Variants in SUGCT observed in about 807,000 individuals in gnomAD.
SUGCT encodes succinyl-CoA:glutarate CoA-transferase.
SUGCT carries 41 observed loss-of-function variants against 55.0 expected under a neutral mutation model. That is an observed-to-expected ratio of 0.74 (90% CI 0.58 to 0.97). The LOEUF (loss-of-function observed/expected upper bound fraction) is 0.97. SUGCT is among the 50% of genes least tolerant of loss of function. The pLI is 0.00. For synonymous variants in SUGCT, 187 were observed against 200.4 expected (o/e 0.93, Z 0.56); for missense variants, 568 against 547.8 (o/e 1.04, Z -0.37).
the SUGCT span, among the ~76,000 whole-genome samples, chr7:40,884,247 G>A: frequency 6.6e-6 from 1 of 152,188 alleles, no homozygotes; most frequent in Non-Finnish European, 1.5e-5. Flanking sequence ...TGGCATAGTG[G>A]AGAAAAGACT....
At chr7:40,251,960 T>C (rs1369342399) in intron 7 of SUGCT, among the ~76,000 whole-genome samples, 1 of 151,546 alleles carries the variant, frequency 6.6e-6, no homozygotes, top group African/African-American at 2.4e-5. Flanking sequence ...AAGAAATAAA[T>C]AGAGATGTTT....
At chr7:41,027,435 A>G in the SUGCT span, among the ~76,000 whole-genome samples, 2 of 152,184 alleles carry the variant, frequency 1.3e-5, no homozygotes, top group African/African-American at 4.8e-5. Flanking sequence ...CCTCAATGAC[A>G]CTGACTAGGT....
At chr7:40,304,646 C>T (rs1794745454) in intron 8 of SUGCT, among the ~76,000 whole-genome samples, 1 of 150,548 alleles carries the variant, frequency 6.6e-6, no homozygotes, top group African/African-American at 2.4e-5. Flanking sequence ...TCTTTGCATC[C>T]TCATAGCTTA....
the SUGCT span, among the ~76,000 whole-genome samples, chr7:40,867,258 ATATAT>A: frequency 6.7e-6 from 1 of 150,138 alleles, no homozygotes; most frequent in Non-Finnish European, 1.5e-5. Context: ...TATATGATAT[ATATAT>A]TATAAGCTTA....
chr7:40,256,517 A>G (rs968874807), intron 7 of SUGCT, among the ~76,000 whole-genome samples: 2 of 152,128 alleles, frequency 1.3e-5, no homozygotes, highest in Non-Finnish European at 2.9e-5. Context: ...ATGCTTAAAA[A>G]TTTTCTCATC....
At chr7:40,424,567 T>G (rs1431429513) in intron 9 of SUGCT, among the ~76,000 whole-genome samples, 2 of 152,168 alleles carry the variant, frequency 1.3e-5, no homozygotes, top group Admixed American at 1.3e-4. Flanking sequence ...TCACTTTACT[T>G]CTATATGTTT....
the SUGCT span, among the ~76,000 whole-genome samples, chr7:40,950,904 T>C: frequency 6.6e-6 from 1 of 152,212 alleles, no homozygotes; most frequent in African/African-American, 2.4e-5. Flanking sequence ...TCGGGGATAT[T>C]GGACTACAAT....
At chr7:41,036,523 A>AT in the SUGCT span, among the ~76,000 whole-genome samples, 1 of 151,712 alleles carries the variant, frequency 6.6e-6, no homozygotes, top group African/African-American at 2.4e-5. Flanking sequence ...CTCTCTTCCG[A>AT]TTTCTGTATT....
rs1554368993 is a variant in SUGCT, at chr7:40,565,989, A to ACG, written c.1089+69604_1089+69605insGC. 3.3e-3 allele frequency among the ~76,000 whole-genome samples: 307 copies of ACG among 93,490 alleles called. 4 individuals carry two copies. Among genetic ancestry groups the ACG allele is most frequent in the African/African-American group, 0.014 (284 of 19,946 alleles). 61.3% of individuals were successfully genotyped at this position (93,490 alleles called of 152,430 possible). On this transcript the variant is annotated intron_variant, in intron 12 of 13. Coordinates refer to ENST00000335693, the MANE Select transcript of SUGCT (RefSeq NM_001193313.2). ...ATATCACACACACACACACACACAC[A>ACG]CACGCACACACACACACACACACAC...
At chr7:40,936,468 T>A in the SUGCT span, among the ~76,000 whole-genome samples, 1 of 151,926 alleles carries the variant, frequency 6.6e-6, no homozygotes, top group South Asian at 2.1e-4. Flanking sequence ...TTTTAGTAAT[T>A]TGAGTCTTCT....
intron 12 of SUGCT, among the ~76,000 whole-genome samples, chr7:40,703,178 C>A (rs1346239125): frequency 6.6e-6 from 1 of 151,806 alleles, no homozygotes; most frequent in East Asian, 1.9e-4. Flanking sequence ...GATTCTCCTG[C>A]CTCAGCCTCC....
At chr7:40,248,888 G>GCACGCA (rs1790099485) in intron 7 of SUGCT, among the ~76,000 whole-genome samples, 1 of 135,522 alleles carries the variant, frequency 7.4e-6, no homozygotes, top group Non-Finnish European at 1.6e-5. Context: ...GCGCGCGCTC[G>GCACGCA]CACACACACA....
At chr7:40,950,325 G>A in the SUGCT span, among the ~76,000 whole-genome samples, 3 of 152,182 alleles carry the variant, frequency 2.0e-5, no homozygotes, top group Non-Finnish European at 4.4e-5. Context: ...AGACTTTGCT[G>A]AAGTTGCTTA....
chr7:40,265,133 T>C (rs1381136420), intron 7 of SUGCT, among the ~76,000 whole-genome samples: 1 of 152,096 alleles, frequency 6.6e-6, no homozygotes, highest in Non-Finnish European at 1.5e-5. Flanking sequence ...TGCCCCAGGA[T>C]ACAAAAAAAA....
At chr7:40,531,666 ATATTTTTT>A (rs746597213) in intron 12 of SUGCT, among the ~76,000 whole-genome samples, 39 of 151,630 alleles carry the variant, frequency 2.6e-4, no homozygotes, top group African/African-American at 5.5e-4. Flanking sequence ...ATATGTATAT[ATATTTTTT>A]TATTTTTTTA....
At chr7:40,889,058 C>T in the SUGCT span, among the ~76,000 whole-genome samples, 6 of 152,276 alleles carry the variant, frequency 3.9e-5, no homozygotes, top group Middle Eastern at 3.4e-3. Flanking sequence ...AATGAAAATG[C>T]GCCGGAGCTT....
At chr7:41,026,002 C>T in the SUGCT span, among the ~76,000 whole-genome samples, 2 of 152,162 alleles carry the variant, frequency 1.3e-5, no homozygotes, top group Admixed American at 6.5e-5. Context: ...GGCCAGCACA[C>T]TTTTTACAAC....
intron 9 of SUGCT, among the ~76,000 whole-genome samples, chr7:40,320,526 T>C (rs1795670697): frequency 6.6e-6 from 1 of 152,234 alleles, no homozygotes; most frequent in African/African-American, 2.4e-5. Context: ...TATATTTTAT[T>C]ATGTAACATA....
At chr7:40,905,448 T>C in the SUGCT span, among the ~76,000 whole-genome samples, 1 of 152,226 alleles carries the variant, frequency 6.6e-6, no homozygotes, top group East Asian at 1.9e-4. Flanking sequence ...TTTGTAGGTT[T>C]TTTGTTTTAA....
Sources: gnomAD v4.1 joint callset for allele counts (sites outside exome capture counted in the v4.1 genomes callset) on GRCh38, gnomAD v4.1.1 for gene constraint, MANE v1.5 for transcripts, NCBI Gene and HGNC (gene_info 2026-07-23, HGNC 2026-07-21) for gene names.